Variants in CDRT15L2 observed in about 807,000 individuals in gnomAD.
CDRT15L2 encodes CMT1A duplicated region transcript 15 like 2, also known as CMT1A duplicated region transcript 15 protein-like protein.
CDRT15L2 carries 13 observed loss-of-function variants against 21.5 expected under a neutral mutation model. The observed-to-expected ratio is 0.60, with a 90% CI of 0.39 to 0.96. The LOEUF (loss-of-function observed/expected upper bound fraction) is 0.96, where lower values mean the gene tolerates loss of function less well. CDRT15L2 is among the 40% of genes least tolerant of loss of function. The pLI is 0.00. For missense variants in CDRT15L2, 292 were observed against 354.8 expected (o/e 0.82, Z 1.42); for synonymous variants, 121 against 144.9 (o/e 0.84, Z 1.18).
Position 20,580,658 on chromosome 17 carries a change from G to C in CDRT15L2, c.775G>C (p.Ala259Pro). ...PALRRNLLLQ[A>P]WKCVCNWASR... is the part of the protein sequence containing the mutation. ...TCTCAGACGCAATCTTCTCCTCCAG[G>C]CATGGAAGTGTGTCTGCAACTGGGC... Residue 259 changes from alanine (A) to proline (P), a missense_variant, in exon 2 of 2, where the codon GCA (alanine) becomes CCA (proline). Ala to Pro is a conservative substitution (Grantham distance 27). Coordinates refer to ENST00000399044, the MANE Select transcript of CDRT15L2 (RefSeq NM_001190790.2). 1 of 1,556,876 alleles carries C rather than the reference G, an allele frequency of 6.4e-7. No individual in the cohort carries two copies. Among genetic ancestry groups the C allele is most frequent in the Non-Finnish European group, 8.7e-7 (1 of 1,149,432 alleles).
rs1306774750 is a variant in CDRT15L2 at position 20,580,768 on chromosome 17, A to G, written c.*39A>G. The stretch of plus-strand genomic sequence containing the variant: ...GTTGAGGGGACCAGGAGGTGGCTCC[A>G]AAGGGTACAGCAAGGAAAGCTTTTA... On this transcript the variant is annotated 3_prime_UTR_variant, in exon 2 of 2. Coordinates refer to ENST00000399044, the MANE Select transcript of CDRT15L2 (RefSeq NM_001190790.2). 1 of 1,442,902 alleles carries G rather than the reference A, an allele frequency of 6.9e-7. No homozygotes were observed. The highest frequency in any genetic ancestry group is 9.4e-7 in the Non-Finnish European group (1 of 1,063,216). The allele number at this position is 1,442,902 out of a possible 1,614,324, so 89.4% of individuals were successfully genotyped here.
Position 20,580,418 on chromosome 17 carries a change from G to A in CDRT15L2, c.535G>A (p.Gly179Arg), listed in dbSNP as rs1368281272. 4 of 1,544,120 alleles carry A rather than the reference G, an allele frequency of 2.6e-6. No individual in the cohort carries two copies. The African/African-American group carries it at 5.5e-5, about 21-fold the overall frequency. The part of the protein sequence containing the change: ...ASRSHAAPSP[G>R]HGGKHGGGDQ... Reference sequence around the variant, plus strand: ...CAGATCCCATGCTGCCCCTAGTCCTGGGCATGGTGGCAAACATGGAGGCGG... The same window carrying A: ...CAGATCCCATGCTGCCCCTAGTCCTAGGCATGGTGGCAAACATGGAGGCGG... Residue 179 changes from glycine (G) to arginine (R), a missense_variant, in exon 2 of 2, where the codon GGG becomes AGG. By Grantham distance (125) the Gly-to-Arg change is moderately radical (BLOSUM62 -2). Transcript: ENST00000399044.
chr17:20,580,160 T>C lies in CDRT15L2; in HGVS notation c.277T>C (p.Tyr93His). 6.7e-7 allele frequency: 1 copy of C among 1,489,550 alleles called. No homozygotes were observed. The highest frequency in any genetic ancestry group is 1.4e-5 in the South Asian group (1 of 72,792). 92.3% of individuals were successfully genotyped at this position (1,489,550 alleles called of 1,614,324 possible). A position where few individuals can be genotyped will look rare whatever the true frequency, so the allele number is the denominator to read the frequency against. ...MEAQTHAPGP[Y>H]ADIAALAAPA... ...TTCTCCTTTTTCAGCTCCTGGTCCG[T>C]ACGCAGACATAGCAGCACTTGCGGC... is the stretch of plus-strand genomic sequence containing the variant. The change falls in exon 2 of 2, where the codon TAC (tyrosine) becomes CAC (histidine). Residue 93 changes from tyrosine (Y) to histidine (H), a missense_variant. By Grantham distance (83) the Tyr-to-His change is moderately conservative. Coordinates refer to ENST00000399044, the MANE Select transcript of CDRT15L2 (RefSeq NM_001190790.2).
Position 20,580,587 on chromosome 17 carries a change from G to A in CDRT15L2, c.704G>A (p.Ser235Asn), listed in dbSNP as rs1179977620. Residue 235 changes from serine to asparagine, a missense_variant, in exon 2 of 2, where the codon AGC (serine) becomes AAC (asparagine). By Grantham distance (46) the Ser-to-Asn change is conservative. Transcript: ENST00000399044. ...ATCTCTGTGAAGGTGATGCTCAAGAGCATTAAAACAAGGCTGGGAAGAAGA... is the reference window on the plus strand; with the variant it reads ...ATCTCTGTGAAGGTGATGCTCAAGAACATTAAAACAAGGCTGGGAAGAAGA... Reference protein sequence around the residue: ...GYISVKVMLKSIKTRLGRRVP... With the variant: ...GYISVKVMLKNIKTRLGRRVP... 10 of 1,551,486 alleles carry A rather than the reference G, an allele frequency of 6.4e-6. No individual in the cohort carries two copies. Among genetic ancestry groups the A allele is most frequent in the Non-Finnish European group, 8.7e-6 (10 of 1,147,034 alleles).
At chr17:20,580,039 G>A (rs773658243) in intron 1 of CDRT15L2, 31 bp downstream of exon 1, 79 of 1,505,458 alleles carry the variant, frequency 5.2e-5, no homozygotes, top group South Asian at 4.1e-4. Flanking sequence ...AAGACTTTGC[G>A]GGGGCGGTGC....
At position 20,580,131 on chromosome 17, in the gene CDRT15L2, C is replaced by G; in HGVS notation, c.266-18C>G. ...AGTGGAAAGTGACTGATGCTGGTGA[C>G]CCTTTCTCCTTTTTCAGCTCCTGGT... is the stretch of plus-strand genomic sequence containing the variant. On this transcript the variant is annotated intron_variant, in intron 1 of 1. Coordinates refer to ENST00000399044, the MANE Select transcript of CDRT15L2 (RefSeq NM_001190790.2). 6.8e-7 allele frequency: 1 copy of G among 1,473,756 alleles called. No individual in the cohort carries two copies. The allele number at this position is 1,473,756 out of a possible 1,614,324, so 91.3% of individuals were successfully genotyped here.
At position 20,579,871 on chromosome 17, in the gene CDRT15L2, GGC is replaced by G. The variant is rs760123246; in HGVS notation, c.131_132del (p.Arg44HisfsTer92). The G allele has an allele frequency of 1.1e-5, 17 of 1,611,368 alleles. No homozygotes were observed. The South Asian group carries it at 1.9e-4, about 18-fold the overall frequency. Reference sequence around the variant, plus strand: ...AGACGCCTGTGGCCCTTTGTAAGAAGGCGCACCCAGGTACCACAGGACAGCCC... The same window carrying G: ...AGACGCCTGTGGCCCTTTGTAAGAAGGCACCCAGGTACCACAGGACAGCCC... On this transcript the variant is annotated frameshift_variant, in exon 1 of 2. Coordinates refer to ENST00000399044, the MANE Select transcript of CDRT15L2 (RefSeq NM_001190790.2). LOFTEE classifies it high-confidence loss of function.
In CDRT15L2 at chr17:20,580,648, TCTC is replaced by T. The variant is rs1348261867; in HGVS notation, c.770_772del (p.Leu257del). Reference sequence around the variant, plus strand: ...CTCCTCCTGCTCTCAGACGCAATCTTCTCCTCCAGGCATGGAAGTGTGTCTGCA... The same window carrying T: ...CTCCTCCTGCTCTCAGACGCAATCTTCTCCAGGCATGGAAGTGTGTCTGCA... On this transcript the variant is annotated inframe_deletion, in exon 2 of 2. Transcript: ENST00000399044. The T allele has an allele frequency of 2.6e-6, 4 of 1,554,556 alleles. No individual in the cohort carries two copies. Among genetic ancestry groups the T allele is most frequent in the East Asian group, 2.4e-5 (1 of 41,636 alleles).
chr17:20,580,079 G>A (rs1380283770), intron 1 of CDRT15L2, 70 bp from the exon 2 acceptor site: 23 of 1,480,824 alleles, frequency 1.6e-5, no homozygotes, highest in South Asian at 9.9e-5. Context: ...TGAATTCAGT[G>A]AGGTTGTCTC....
At position 20,580,495 on chromosome 17, in the gene CDRT15L2, C is replaced by G. The variant is rs2043286966; in HGVS notation, c.612C>G (p.Leu204=). 1 of 1,550,548 alleles carries G rather than the reference C, an allele frequency of 6.4e-7. No individual in the cohort carries two copies. Among genetic ancestry groups the G allele is most frequent in the African/African-American group, 1.4e-5 (1 of 73,006 alleles). Residue 204 remains leucine (L), a synonymous_variant, in exon 2 of 2, where the codon CTC becomes CTG. Coordinates refer to ENST00000399044, the MANE Select transcript of CDRT15L2 (RefSeq NM_001190790.2). ...TGTACCTCGCTGGAGAGAGGCTTCT[C>G]TCATTCGCCGGAACCACAGCCCTGC... is the stretch of plus-strand genomic sequence containing the variant. ...GLLYLAGERL[L]SFAGTTALLL...
Position 20,580,479 on chromosome 17 carries a change from C to T in CDRT15L2, c.596C>T (p.Ala199Val). 6.4e-7 allele frequency: 1 copy of T among 1,550,518 alleles called. No homozygotes were observed. The highest frequency in any genetic ancestry group is 8.7e-7 in the Non-Finnish European group (1 of 1,146,936). The change falls in exon 2 of 2, where the codon GCT (alanine) becomes GTT (valine). Residue 199 changes from alanine (A) to valine (V), a missense_variant. By Grantham distance (64) the Ala-to-Val change is moderately conservative (BLOSUM62 0). Transcript: ENST00000399044. The part of the protein sequence containing the change: ...QGIQTGLLYL[A>V]GERLLSFAGT... Reference sequence around the variant, plus strand: ...ATTCAGACTGGACTCCTGTACCTCGCTGGAGAGAGGCTTCTCTCATTCGCC... The same window carrying T: ...ATTCAGACTGGACTCCTGTACCTCGTTGGAGAGAGGCTTCTCTCATTCGCC...
intron 1 of CDRT15L2, 50 bp downstream of exon 1, chr17:20,580,058 T>A (rs1435741597): frequency 1.3e-6 from 2 of 1,495,374 alleles, no homozygotes; most frequent in South Asian, 1.4e-5. Context: ...GCTTTTGGGC[T>A]GGAATGCCTT....
Position 20,580,573 on chromosome 17 carries a change from G to A in CDRT15L2, c.690G>A (p.Lys230=). ...VLILVGYISV[K]VMLKSIKTRL... is the part of the protein sequence containing the mutation. ...TTCTGGTGGGGTATATCTCTGTGAA[G>A]GTGATGCTCAAGAGCATTAAAACAA... The change falls in exon 2 of 2, where the codon AAG becomes AAA. Residue 230 remains lysine, a synonymous_variant. Coordinates refer to ENST00000399044, the MANE Select transcript of CDRT15L2 (RefSeq NM_001190790.2). 3.2e-6 allele frequency: 5 copies of A among 1,551,442 alleles called. No homozygotes were observed. Among genetic ancestry groups the A allele is most frequent in the Non-Finnish European group, 4.4e-6 (5 of 1,147,038 alleles).
rs1204794629 is a variant in CDRT15L2 at position 20,580,739 on chromosome 17, A to C, written c.*10A>C. 6.4e-7 allele frequency: 1 copy of C among 1,551,404 alleles called. No individual in the cohort carries two copies. The highest frequency in any genetic ancestry group is 1.4e-5 in the African/African-American group (1 of 73,682). ...CCGAACGGGCTCTTAACAGGTGGGC[A>C]GGGGTTGAGGGGACCAGGAGGTGGC... On this transcript the variant is annotated 3_prime_UTR_variant, in exon 2 of 2. Transcript: ENST00000399044.
At position 20,579,803 on chromosome 17, in the gene CDRT15L2, G is replaced by A. The variant is rs1421933754; in HGVS notation, c.60G>A (p.Glu20=). The change falls in exon 1 of 2, where the codon GAG becomes GAA. Residue 20 remains glutamate, a synonymous_variant. Transcript: ENST00000399044. ...GCTGCTTCAGGAATGGAGGGAGTGA[G>A]AGCCTTTTCCGACAATGCCGAAGAA... is the stretch of plus-strand genomic sequence containing the variant. ...RGCCFRNGGS[E]SLFRQCRRRL... is the part of the protein sequence containing the mutation. The A allele has an allele frequency of 1.2e-6, 2 of 1,610,970 alleles. No individual in the cohort carries two copies. The highest frequency in any genetic ancestry group is 1.7e-6 in the Non-Finnish European group (2 of 1,179,418).
Position 20,580,147 on chromosome 17 carries a change from A to C in CDRT15L2, c.266-2A>C. Reference sequence around the variant, plus strand: ...TGCTGGTGACCCTTTCTCCTTTTTCAGCTCCTGGTCCGTACGCAGACATAG... The same window carrying C: ...TGCTGGTGACCCTTTCTCCTTTTTCCGCTCCTGGTCCGTACGCAGACATAG... On this transcript the variant is annotated splice_acceptor_variant, in intron 1 of 1. Coordinates refer to ENST00000399044, the MANE Select transcript of CDRT15L2 (RefSeq NM_001190790.2). LOFTEE classifies it high-confidence loss of function. The C allele has an allele frequency of 1.4e-6, 2 of 1,477,234 alleles. No homozygotes were observed. Among genetic ancestry groups the C allele is most frequent in the Non-Finnish European group, 1.8e-6 (2 of 1,112,954 alleles). The allele number at this position is 1,477,234 out of a possible 1,614,324, so 91.5% of individuals were successfully genotyped here.
Position 20,580,584 on chromosome 17 carries a change from A to C in CDRT15L2, c.701A>C (p.Lys234Thr). 1 of 1,551,510 alleles carries C rather than the reference A, an allele frequency of 6.4e-7. No homozygotes were observed. Among genetic ancestry groups the C allele is most frequent in the Non-Finnish European group, 8.7e-7 (1 of 1,147,026 alleles). The change falls in exon 2 of 2, where the codon AAG (lysine) becomes ACG (threonine). Residue 234 changes from lysine to threonine, a missense_variant. Coordinates refer to ENST00000399044, the MANE Select transcript of CDRT15L2 (RefSeq NM_001190790.2). ...VGYISVKVMLKSIKTRLGRRV... is the reference protein window; with the variant it reads ...VGYISVKVMLTSIKTRLGRRV... ...TATATCTCTGTGAAGGTGATGCTCA[A>C]GAGCATTAAAACAAGGCTGGGAAGA...
chr17:20,580,310 G>A lies in CDRT15L2; in HGVS notation c.427G>A (p.Ala143Thr), dbSNP rs2043285686. ...GCCTGAAATCATGGCACCTACTGTAGCCACTGGCCTTAATGCTGGAGCTGA... is the reference window on the plus strand; with the variant it reads ...GCCTGAAATCATGGCACCTACTGTAACCACTGGCCTTAATGCTGGAGCTGA... ...ELPEIMAPTV[A>T]TGLNAGAENV... The change falls in exon 2 of 2, where the codon GCC becomes ACC. Residue 143 changes from alanine to threonine, a missense_variant. Physicochemically the swap from Ala to Thr is moderately conservative, Grantham distance 58 (BLOSUM62 0). Coordinates refer to ENST00000399044, the MANE Select transcript of CDRT15L2 (RefSeq NM_001190790.2). 23 of 1,478,618 alleles carry A rather than the reference G, an allele frequency of 1.6e-5. No individual in the cohort carries two copies. Among genetic ancestry groups the A allele is most frequent in the Non-Finnish European group, 2.1e-5 (23 of 1,110,564 alleles). The allele number at this position is 1,478,618 out of a possible 1,614,324, so 91.6% of individuals were successfully genotyped here.
Position 20,580,646 on chromosome 17 carries a change from C to A in CDRT15L2, c.763C>A (p.Leu255Ile), listed in dbSNP as rs748807016. 14 of 1,554,354 alleles carry A rather than the reference C, an allele frequency of 9.0e-6. No homozygotes were observed. The highest frequency in any genetic ancestry group is 5.9e-5 in the South Asian group (5 of 84,188). The change falls in exon 2 of 2, where the codon CTT becomes ATT. Residue 255 changes from leucine (L) to isoleucine (I), a missense_variant. Coordinates refer to ENST00000399044, the MANE Select transcript of CDRT15L2 (RefSeq NM_001190790.2). ...PAAPPALRRN[L>I]LLQAWKCVCN... ...AGCTCCTCCTGCTCTCAGACGCAAT[C>A]TTCTCCTCCAGGCATGGAAGTGTGT...
Sources: gnomAD v4.1 joint callset for allele counts on GRCh38, gnomAD v4.1.1 for gene constraint, MANE v1.5 for transcripts, NCBI Gene and HGNC (gene_info 2026-07-23, HGNC 2026-07-21) for gene names.